VANGL1: variants seen among roughly 807,000 people sequenced by gnomAD.
VANGL1 encodes the protein vang-like protein 1.
In VANGL1, 18 loss-of-function variants were observed where a neutral mutation model predicts 48.4. The observed-to-expected ratio is 0.37, with a 90% CI of 0.26 to 0.55. The LOEUF is 0.55. VANGL1 is among the 20% of genes least tolerant of loss of function. VANGL1 has a pLI of 0.81. For synonymous variants in VANGL1, 257 were observed against 261.8 expected (o/e 0.98, Z 0.18); for missense variants, 667 against 675.8 (o/e 0.99, Z 0.14).
chr1:115,656,077 T>A (rs1290232623), intron 2 of VANGL1, among the ~76,000 whole-genome samples: 1 of 152,226 alleles, frequency 6.6e-6, no homozygotes, highest in Non-Finnish European at 1.5e-5. Flanking sequence ...GACCAGTACC[T>A]GGCGCAGTGC....
intron 7 of VANGL1, among the ~76,000 whole-genome samples, chr1:115,686,799 A>C (rs1395647312): frequency 1.3e-5 from 2 of 152,198 alleles, no homozygotes; most frequent in Non-Finnish European, 2.9e-5. Context: ...TCTTCATATG[A>C]CAGGTACTGT....
chr1:115,677,609 C>G (rs187376998), intron 4 of VANGL1, among the ~76,000 whole-genome samples: 1 of 152,178 alleles, frequency 6.6e-6, no homozygotes, highest in African/African-American at 2.4e-5. Flanking sequence ...CTGTTTTCCA[C>G]AAATCTATGT....
intron 2 of VANGL1, among the ~76,000 whole-genome samples, chr1:115,651,931 A>G (rs1652163999): frequency 6.6e-6 from 1 of 151,836 alleles, no homozygotes; most frequent in African/African-American, 2.4e-5. Context: ...TAATTTTTGT[A>G]TTTTTAGTAG....
intron 7 of VANGL1, among the ~76,000 whole-genome samples, chr1:115,687,862 G>A (rs1371027342): frequency 7.4e-6 from 1 of 135,462 alleles, no homozygotes; most frequent in Non-Finnish European, 1.6e-5. Flanking sequence ...CTCAGCTCAA[G>A]TAATCTACCT....
In VANGL1 at chr1:115,694,652, A is replaced by T. The variant is rs551091101; in HGVS notation, c.*3273A>T. On this transcript the variant is annotated 3_prime_UTR_variant, in exon 8 of 8. Coordinates refer to ENST00000355485, the MANE Select transcript of VANGL1 (RefSeq NM_138959.3). ...TACGTACTGAGTGAGTGCTCCAGCCACTCAGTGAAACCAACAAAAGTGAGT... is the reference window on the plus strand; with the variant it reads ...TACGTACTGAGTGAGTGCTCCAGCCTCTCAGTGAAACCAACAAAAGTGAGT... 6.6e-6 allele frequency: 1 copy of T among 152,134 alleles called. No homozygotes were observed. Among genetic ancestry groups the T allele is most frequent in the Non-Finnish European group, 1.5e-5 (1 of 68,020 alleles). 9.4% of individuals were successfully genotyped at this position (152,134 alleles called of 1,614,324 possible).
In VANGL1 at chr1:115,698,190, T is replaced by C. The variant is rs908884264; in HGVS notation, c.*6811T>C. 1 of 152,240 alleles carries C rather than the reference T, an allele frequency of 6.6e-6. No individual in the cohort carries two copies. The highest frequency in any genetic ancestry group is 2.4e-5 in the African/African-American group (1 of 41,464). The allele number at this position is 152,240 out of a possible 1,614,324, so 9.4% of individuals were successfully genotyped here. A position where few individuals can be genotyped will look rare whatever the true frequency, so the allele number is the denominator to read the frequency against. On this transcript the variant is annotated 3_prime_UTR_variant, in exon 8 of 8. Transcript: ENST00000355485. ...GTTTTACACATCACATTTTTTATAC[T>C]GTAAACTTGGAAAATAAACTGAAAT...
rs1254000043 is a variant in VANGL1 at position 115,693,842 on chromosome 1, T to G, written c.*2463T>G. 4.6e-5 allele frequency: 7 copies of G among 152,230 alleles called. No individual in the cohort carries two copies. Among genetic ancestry groups the G allele is most frequent in the Admixed American group, 4.6e-4 (7 of 15,292 alleles). The allele number at this position is 152,230 out of a possible 1,614,324, so 9.4% of individuals were successfully genotyped here. ...TTCAATTCTTGGAACTGGTAGGCTA[T>G]TCTTTTTAAAAGGGGGTAAACTTCG... On this transcript the variant is annotated 3_prime_UTR_variant, in exon 8 of 8. Transcript: ENST00000355485.
At chr1:115,682,590 T>C in intron 5 of VANGL1, 93 bp downstream of exon 5, 2 of 1,578,032 alleles carry the variant, frequency 1.3e-6, no homozygotes, top group Non-Finnish European at 1.7e-6. Flanking sequence ...ACTTCTTCTC[T>C]GGGCCTACCT....
At chr1:115,650,612 T>G (rs953582398) in intron 1 of VANGL1, among the ~76,000 whole-genome samples, 1 of 152,204 alleles carries the variant, frequency 6.6e-6, no homozygotes, top group African/African-American at 2.4e-5. Context: ...TTCATCATTA[T>G]AAGAGTTTCT....
intron 2 of VANGL1, among the ~76,000 whole-genome samples, chr1:115,652,728 G>A (rs1388110747): frequency 1.3e-5 from 2 of 152,146 alleles, no homozygotes; most frequent in African/African-American, 4.8e-5. Context: ...GTGAGATTTT[G>A]TTCTGTAAAA....
chr1:115,671,023 A>G (rs56322649), intron 4 of VANGL1: 2,623 of 152,356 alleles, frequency 0.017, 26 homozygotes, highest in Non-Finnish European at 0.025. Context: ...TGCACACTGA[A>G]GCCCTGTGTT....
At chr1:115,669,938 ATGTT>A (rs1454696292) in intron 4 of VANGL1, among the ~76,000 whole-genome samples, 1 of 152,204 alleles carries the variant, frequency 6.6e-6, no homozygotes, top group African/African-American at 2.4e-5. Flanking sequence ...TATGGACTGA[ATGTT>A]TGTGGTCCCC....
chr1:115,672,577 C>A (rs1165471685), intron 4 of VANGL1, among the ~76,000 whole-genome samples: 2 of 151,498 alleles, frequency 1.3e-5, no homozygotes, highest in Non-Finnish European at 3.0e-5. Flanking sequence ...GAAAGTCCAA[C>A]CAAGTCCAGG....
At chr1:115,647,337 T>C (rs1402918647) in intron 1 of VANGL1, among the ~76,000 whole-genome samples, 1 of 152,210 alleles carries the variant, frequency 6.6e-6, no homozygotes, top group Non-Finnish European at 1.5e-5. Context: ...TTTATTGTCT[T>C]TTCTGATAAG....
At chr1:115,673,668 C>G (rs1429843235) in intron 4 of VANGL1, among the ~76,000 whole-genome samples, 3 of 146,698 alleles carry the variant, frequency 2.0e-5, no homozygotes, top group Admixed American at 6.9e-5. Context: ...AGTGCGATCT[C>G]AGCTCTCTGC....
At chr1:115,687,006 GT>G (rs35072599) in intron 7 of VANGL1, among the ~76,000 whole-genome samples, 9,376 of 137,458 alleles carry the variant, frequency 0.068, 1,968 homozygotes, top group South Asian at 0.13. Flanking sequence ...TTTGGTAGCT[GT>G]TTTTTTATAA....
chr1:115,695,883 C>T lies in VANGL1; in HGVS notation c.*4504C>T, dbSNP rs17034228. The T allele has an allele frequency of 0.17, 25,188 of 152,178 alleles. 2,247 individuals carry two copies. The highest frequency in any genetic ancestry group is 0.23 in the African/African-American group (9,648 of 41,468). 9.4% of individuals were successfully genotyped at this position (152,178 alleles called of 1,614,324 possible). On this transcript the variant is annotated 3_prime_UTR_variant, in exon 8 of 8. Transcript: ENST00000355485. ...GGCACTTCTGGATGTTGAGGAAGGA[C>T]CTAGAGACACATCCTTGAACTAGAA...
At position 115,691,429 on chromosome 1, in the gene VANGL1, A is replaced by T. The variant is rs779748390; in HGVS notation, c.*50A>T. 4 of 1,553,818 alleles carry T rather than the reference A, an allele frequency of 2.6e-6. No homozygotes were observed. The African/African-American group carries it at 5.6e-5, about 22-fold the overall frequency. On this transcript the variant is annotated 3_prime_UTR_variant, in exon 8 of 8. Transcript: ENST00000355485. Reference sequence around the variant, plus strand: ...AAAAAAAAAAGAAAAATATATAGAGAGATATATATCTATGCCAGAGGGGTG... The same window carrying T: ...AAAAAAAAAAGAAAAATATATAGAGTGATATATATCTATGCCAGAGGGGTG...
chr1:115,650,140 T>C (rs1032698016), intron 1 of VANGL1, among the ~76,000 whole-genome samples: 7 of 152,200 alleles, frequency 4.6e-5, no homozygotes, highest in Non-Finnish European at 7.3e-5. Flanking sequence ...TCCAGACTTA[T>C]GTGTTGTTGC....
Sources: gnomAD v4.1 joint callset for allele counts (sites outside exome capture counted in the v4.1 genomes callset) on GRCh38, gnomAD v4.1.1 for gene constraint, MANE v1.5 for transcripts, NCBI Gene and HGNC (gene_info 2026-07-23, HGNC 2026-07-21) for gene names.